The following C1RL variants were observed in gnomAD, a reference collection of about 807,000 sequenced individuals.
C1RL encodes the protein complement C1r subcomponent-like protein.
A neutral mutation model predicts 27.9 loss-of-function variants in C1RL; 27 were observed. The observed-to-expected ratio is 0.97, with a 90% confidence interval of 0.71 to 1.33. The LOEUF (loss-of-function observed/expected upper bound fraction) is 1.33. Among genes scored for constraint, C1RL ranks in the 40% most tolerant of loss-of-function variants. The pLI is 0.00. For missense variants in C1RL, 563 were observed against 623.9 expected (o/e 0.90, Z 1.04); for synonymous variants, 248 against 252.1 (o/e 0.98, Z 0.15).
Position 7,094,564 on chromosome 12 carries a change from T to C in C1RL, c.*1827A>G. ...ACATACACATATAAATATAGGTATA[T>C]ATATATTTTTTTGCCTTGGCAGGGA... On this transcript the variant is annotated 3_prime_UTR_variant, in exon 6 of 6. Coordinates refer to ENST00000266542, the MANE Select transcript of C1RL (RefSeq NM_016546.4). 2 of 578,012 alleles carry C rather than the reference T, an allele frequency of 3.5e-6. No homozygotes were observed. The highest frequency in any genetic ancestry group is 4.0e-6 in the Non-Finnish European group (2 of 495,024). The allele number at this position is 578,012 out of a possible 1,614,324, so 35.8% of individuals were successfully genotyped here.
Position 7,108,414 on chromosome 12 carries a change from T to C in C1RL, c.137A>G (p.Gln46Arg). 2 of 1,613,582 alleles carry C rather than the reference T, an allele frequency of 1.2e-6. No individual in the cohort carries two copies. The highest frequency in any genetic ancestry group is 8.5e-7 in the Non-Finnish European group (1 of 1,179,688). Residue 46 changes from glutamine (Q) to arginine (R), a missense_variant, in exon 2 of 6, where the codon CAA (glutamine) becomes CGA (arginine). Transcript: ENST00000266542. The stretch of plus-strand genomic sequence containing the variant: ...GGATGTCAGCTGCTGGGGTAGCTCT[T>C]GGGCCAAGAGGACGGAGCCCCGGGT... ...CPTRGSVLLA[Q>R]ELPQQLTSPG...
In C1RL at chr12:7,095,147, T is replaced by C. The variant is rs1938391568; in HGVS notation, c.*1244A>G. 1 of 1,237,430 alleles carries C rather than the reference T, an allele frequency of 8.1e-7. No individual in the cohort carries two copies. The allele number at this position is 1,237,430 out of a possible 1,614,324, so 76.7% of individuals were successfully genotyped here. ...TTTTTTTTTGGGGGGGATGAAGTCT[T>C]GGTCTGTCCGCAGGCTGGAGTGCAG... On this transcript the variant is annotated 3_prime_UTR_variant, in exon 6 of 6. Transcript: ENST00000266542.
At position 7,096,600 on chromosome 12, in the gene C1RL, TATTGTCAG is replaced by T. The variant is rs1312249545; in HGVS notation, c.1247_1254del (p.Ser416TyrfsTer7). The T allele has an allele frequency of 6.2e-7, 1 of 1,613,964 alleles. No homozygotes were observed. Among genetic ancestry groups the T allele is most frequent in the Admixed American group, 1.7e-5 (1 of 60,006 alleles). ...TGCGTCTCATCCCCAACACAGAACA[TATTGTCAG>T]AAAACACCTCGGGTCTCTGTCTCTT... On this transcript the variant is annotated frameshift_variant, in exon 6 of 6. Coordinates refer to ENST00000266542, the MANE Select transcript of C1RL (RefSeq NM_016546.4). LOFTEE classifies it low-confidence loss of function (END_TRUNC).
chr12:7,105,443 T>C (rs2135762035), intron 2 of C1RL, among the ~76,000 whole-genome samples: 1 of 152,242 alleles, frequency 6.6e-6, no homozygotes, highest in Non-Finnish European at 1.5e-5. Flanking sequence ...CTAATTTTTG[T>C]ATTTTTAGTA....
Position 7,094,581 on chromosome 12 carries a change from T to C in C1RL, c.*1810A>G. On this transcript the variant is annotated 3_prime_UTR_variant, in exon 6 of 6. Coordinates refer to ENST00000266542, the MANE Select transcript of C1RL (RefSeq NM_016546.4). Reference sequence around the variant, plus strand: ...TAGGTATATATATATTTTTTTGCCTTGGCAGGGAGAAACTCATATCATTTT... The same window carrying C: ...TAGGTATATATATATTTTTTTGCCTCGGCAGGGAGAAACTCATATCATTTT... 2.2e-6 allele frequency: 2 copies of C among 889,652 alleles called. No homozygotes were observed. Among genetic ancestry groups the C allele is most frequent in the Non-Finnish European group, 2.7e-6 (2 of 742,968 alleles). The allele number at this position is 889,652 out of a possible 1,614,324, so 55.1% of individuals were successfully genotyped here.
chr12:7,099,520 T>C, intron 5 of C1RL, 166 bp downstream of exon 5: 1 of 950,646 alleles, frequency 1.1e-6, no homozygotes, highest in Non-Finnish European at 1.3e-6. Context: ...AGGAACAAGC[T>C]CCCTGCCTGT....
At chr12:7,100,054 C>A (rs781078320) in intron 3 of C1RL, 28 bp from the exon 4 acceptor site, 2 of 1,588,548 alleles carry the variant, frequency 1.3e-6, no homozygotes, top group Non-Finnish European at 1.7e-6. Flanking sequence ...CTAGCACAGA[C>A]TTGCCAACTG....
At chr12:7,101,220 G>C (rs1291172368) in intron 3 of C1RL, among the ~76,000 whole-genome samples, 1 of 88,894 alleles carries the variant, frequency 1.1e-5, no homozygotes, top group Non-Finnish European at 2.3e-5. Context: ...CTCCTTTCTC[G>C]CTTTCTTCCC....
intron 2 of C1RL, chr12:7,108,033 T>C (rs1938812263): frequency 1.4e-5 from 6 of 440,594 alleles, no homozygotes; most frequent in Admixed American, 1.2e-4. Context: ...CTTGCTGCCC[T>C]CTTTGCTCTG....
intron 2 of C1RL, among the ~76,000 whole-genome samples, chr12:7,102,630 G>A (rs1473832042): frequency 1.3e-5 from 2 of 152,202 alleles, no homozygotes; most frequent in Non-Finnish European, 2.9e-5. Flanking sequence ...TGCAGAGACT[G>A]AGCCTCTGGG....
rs759320874 is a variant in C1RL at position 7,097,183 on chromosome 12, G to A, written c.692-20C>T. The stretch of plus-strand genomic sequence containing the variant: ...CGCAGACTGGGAGAGAGGCGGGGTA[G>A]GGGTGACAGTCAGCAGCTGCATCTA... On this transcript the variant is annotated intron_variant, in intron 5 of 5. Coordinates refer to ENST00000266542, the MANE Select transcript of C1RL (RefSeq NM_016546.4). The A allele has an allele frequency of 6.3e-7, 1 of 1,574,876 alleles. No homozygotes were observed. Among genetic ancestry groups the A allele is most frequent in the Non-Finnish European group, 8.6e-7 (1 of 1,159,670 alleles).
At position 7,108,473 on chromosome 12, in the gene C1RL, C is replaced by A; in HGVS notation, c.78G>T (p.Trp26Cys). ...CCTGGAGGACTCCCCAGAGAAGCAG[C>A]CACCACCTGTGAGTTGGGGGGAGGG... is the stretch of plus-strand genomic sequence containing the variant. ...HSKGCPGAMWWLLLWGVLQAC... is the reference protein window; with the variant it reads ...HSKGCPGAMWCLLLWGVLQAC... The change falls in exon 2 of 6, where the codon TGG becomes TGT. Residue 26 changes from tryptophan (W) to cysteine (C), a missense_variant. Physicochemically the swap from Trp to Cys is radical, Grantham distance 215 (BLOSUM62 -2). Coordinates refer to ENST00000266542, the MANE Select transcript of C1RL (RefSeq NM_016546.4). 6.3e-7 allele frequency: 1 copy of A among 1,589,586 alleles called. No homozygotes were observed. Among genetic ancestry groups the A allele is most frequent in the Non-Finnish European group, 8.6e-7 (1 of 1,164,848 alleles).
chr12:7,097,259 G>A, intron 5 of C1RL, 96 bp from the exon 6 acceptor site: 3 of 1,114,270 alleles, frequency 2.7e-6, no homozygotes, highest in Non-Finnish European at 3.8e-6. Flanking sequence ...TAGGGGACGC[G>A]TGAAGAGACT....
At chr12:7,108,994 G>GTGTGTGTGTGTATGTGTAT in intron 1 of C1RL, 116 bp downstream of exon 1, 1 of 382,632 alleles carries the variant, frequency 2.6e-6, no homozygotes, top group Non-Finnish European at 4.7e-6. Flanking sequence ...TGTGTGGGGG[G>GTGTGTGTGTGTATGTGTAT]GGGGGGGATG....
At chr12:7,105,346 T>G (rs1938737064) in intron 2 of C1RL, among the ~76,000 whole-genome samples, 1 of 152,104 alleles carries the variant, frequency 6.6e-6, no homozygotes, top group South Asian at 2.1e-4. Context: ...CTCGGCTTAC[T>G]ACAACCTCCA....
intron 3 of C1RL, among the ~76,000 whole-genome samples, chr12:7,100,746 C>A (rs764335977): frequency 3.3e-5 from 5 of 152,006 alleles, no homozygotes; most frequent in African/African-American, 7.3e-5. Flanking sequence ...GAGACTGCGC[C>A]ACTGCACTCC....
Position 7,108,464 on chromosome 12 carries a change from G to A in C1RL, c.87C>T (p.Leu29=), listed in dbSNP as rs139354233. The change falls in exon 2 of 6, where the codon CTC becomes CTT. Residue 29 remains leucine, a synonymous_variant. Coordinates refer to ENST00000266542, the MANE Select transcript of C1RL (RefSeq NM_016546.4). Reference sequence around the variant, plus strand: ...TTGGGCAAGCCTGGAGGACTCCCCAGAGAAGCAGCCACCACCTGTGAGTTG... The same window carrying A: ...TTGGGCAAGCCTGGAGGACTCCCCAAAGAAGCAGCCACCACCTGTGAGTTG... ...GCPGAMWWLL[L]WGVLQACPTR... is the part of the protein sequence containing the mutation. The A allele has an allele frequency of 2.2e-5, 35 of 1,597,922 alleles. No homozygotes were observed. In the African/African-American group the frequency reaches 4.7e-4, roughly 21 times the overall value.
Position 7,095,308 on chromosome 12 carries a change from G to T in C1RL, c.*1083C>A. ...TTTTTGTATTTTTAGTAGAGATGGG[G>T]TTTCACCATGTTGGCCAGGATGGGC... On this transcript the variant is annotated 3_prime_UTR_variant, in exon 6 of 6. Transcript: ENST00000266542. 2.4e-6 allele frequency: 2 copies of T among 848,776 alleles called. No homozygotes were observed. The highest frequency in any genetic ancestry group is 3.0e-6 in the Non-Finnish European group (2 of 675,952). The allele number at this position is 848,776 out of a possible 1,614,324, so 52.6% of individuals were successfully genotyped here. A position where few individuals can be genotyped will look rare whatever the true frequency, so the allele number is the denominator to read the frequency against.
chr12:7,107,623 T>C (rs1266662971), intron 2 of C1RL, among the ~76,000 whole-genome samples: 1 of 152,146 alleles, frequency 6.6e-6, no homozygotes, highest in Non-Finnish European at 1.5e-5. Flanking sequence ...TTTTTATTTT[T>C]ATTTATTATT....
Sources: gnomAD v4.1 joint callset for allele counts (sites outside exome capture counted in the v4.1 genomes callset) on GRCh38, gnomAD v4.1.1 for gene constraint, MANE v1.5 for transcripts, NCBI Gene and HGNC (gene_info 2026-07-23, HGNC 2026-07-21) for gene names.